The following KLHL6 variants were observed in gnomAD, a reference collection of about 807,000 sequenced individuals.
KLHL6 encodes the protein kelch like family member 6.
KLHL6 carries 41 observed loss-of-function variants against 58.6 expected under a neutral mutation model. That is an observed-to-expected ratio of 0.70 (90% CI 0.55 to 0.91). KLHL6 has a LOEUF of 0.91. Ranked by LOEUF, KLHL6 falls within the 40% of genes least tolerant of loss-of-function variation. The pLI is 0.00. For synonymous variants in KLHL6, 338 were observed against 322.7 expected, an observed-to-expected ratio of 1.05 and a Z score of -0.51; for missense variants, 714 against 805.6, an observed-to-expected ratio of 0.89 and a Z score of 1.38.
At chr3:183,526,083 G>A (rs1035240343) in intron 2 of KLHL6, among the ~76,000 whole-genome samples, 5 of 152,138 alleles carry the variant, frequency 3.3e-5, no homozygotes, top group African/African-American at 7.2e-5. Flanking sequence ...CGAGGCGGGC[G>A]GATCACCTGA....
intron 1 of KLHL6, among the ~76,000 whole-genome samples, chr3:183,551,253 A>G (rs1181947700): frequency 6.6e-6 from 1 of 152,194 alleles, no homozygotes; most frequent in Non-Finnish European, 1.5e-5. Context: ...GCTCCATTCA[A>G]CATAGCAGAC....
intron 2 of KLHL6, 41 bp downstream of exon 2, chr3:183,527,804 C>T (rs1156453179): frequency 6.2e-7 from 1 of 1,604,830 alleles, no homozygotes; most frequent in Non-Finnish European, 8.5e-7. Flanking sequence ...ACTGCATTCA[C>T]CTGCTTCAGA....
At chr3:183,514,597 G>A (rs1049519822) in intron 2 of KLHL6, among the ~76,000 whole-genome samples, 8 of 152,050 alleles carry the variant, frequency 5.3e-5, no homozygotes, top group African/African-American at 1.9e-4. Flanking sequence ...ACCTCAAGAA[G>A]AAGGAAGACA....
At chr3:183,541,949 C>T (rs1324483711) in intron 1 of KLHL6, among the ~76,000 whole-genome samples, 2 of 152,098 alleles carry the variant, frequency 1.3e-5, no homozygotes, top group East Asian at 3.9e-4. Flanking sequence ...AGAGCTGGTC[C>T]TCAGCAAAGA....
chr3:183,535,901 G>A (rs1411753089), intron 1 of KLHL6, among the ~76,000 whole-genome samples: 6 of 152,158 alleles, frequency 3.9e-5, no homozygotes, highest in Admixed American at 2.0e-4. Context: ...TCAGCCTCCT[G>A]AGTAGCTAGG....
chr3:183,492,430 C>A lies in KLHL6; in HGVS notation c.1564+64G>T. On this transcript the variant is annotated intron_variant, in intron 6 of 6. Coordinates refer to ENST00000341319, the MANE Select transcript of KLHL6 (RefSeq NM_130446.4). This position sits in a 1 kb window ranked among gnomAD's most constrained non-coding sequence, Gnocchi z 5.9. ...TGGAGACACCGCGACACACCGTTTACGTGCTGCAGCCAGGCGCTCATCAGG... is the reference window on the plus strand; with the variant it reads ...TGGAGACACCGCGACACACCGTTTAAGTGCTGCAGCCAGGCGCTCATCAGG... The A allele has an allele frequency of 6.4e-7, 1 of 1,560,350 alleles. No individual in the cohort carries two copies. Among genetic ancestry groups the A allele is most frequent in the East Asian group, 2.3e-5 (1 of 44,444 alleles).
At chr3:183,519,395 G>C (rs1390386020) in intron 2 of KLHL6, among the ~76,000 whole-genome samples, 2 of 152,156 alleles carry the variant, frequency 1.3e-5, no homozygotes, top group African/African-American at 4.8e-5. Context: ...GGTGCCACAT[G>C]GACCAATAAT....
chr3:183,533,774 G>A (rs1448623777), intron 1 of KLHL6, among the ~76,000 whole-genome samples: 1 of 151,666 alleles, frequency 6.6e-6, no homozygotes. Context: ...CTGTCCTTCC[G>A]CCTCCGTCCT....
intron 1 of KLHL6, among the ~76,000 whole-genome samples, chr3:183,550,201 G>A (rs965511487): frequency 9.9e-5 from 15 of 152,156 alleles, no homozygotes; most frequent in Admixed American, 7.9e-4. Context: ...AAAACAGAAA[G>A]ATAAGAGGAT....
chr3:183,495,710 G>T (rs1214357585), intron 4 of KLHL6, among the ~76,000 whole-genome samples: 1 of 152,064 alleles, frequency 6.6e-6, no homozygotes, highest in Non-Finnish European at 1.5e-5. Flanking sequence ...AACTTGATGA[G>T]ATAATTCTAA....
In KLHL6 at chr3:183,527,782, C is replaced by G. The variant is rs1169579080; in HGVS notation, c.459+63G>C. ...GCCTGGGAGCTAGACCAGGTCTGGC[C>G]TCTGGAGAATTACTGCATTCACCTG... On this transcript the variant is annotated intron_variant, in intron 2 of 6. Coordinates refer to ENST00000341319, the MANE Select transcript of KLHL6 (RefSeq NM_130446.4). 2.6e-6 allele frequency: 4 copies of G among 1,514,950 alleles called. No individual in the cohort carries two copies. In the African/African-American group the frequency reaches 5.5e-5, roughly 21 times the overall value. 93.8% of individuals were successfully genotyped at this position (1,514,950 alleles called of 1,614,324 possible).
chr3:183,503,073 A>G (rs982775147), intron 3 of KLHL6, among the ~76,000 whole-genome samples: 7 of 152,268 alleles, frequency 4.6e-5, no homozygotes, highest in Non-Finnish European at 1.0e-4. Flanking sequence ...TGTTGCAGAC[A>G]TATGGAAGTG....
chr3:183,523,659 T>C (rs1244930095), intron 2 of KLHL6, among the ~76,000 whole-genome samples: 1 of 151,988 alleles, frequency 6.6e-6, no homozygotes, highest in Non-Finnish European at 1.5e-5. Flanking sequence ...CCCAATCCCT[T>C]ACTCTTTCAT....
intron 1 of KLHL6, chr3:183,544,905 G>A (rs1712671308): frequency 6.6e-6 from 1 of 152,166 alleles, no homozygotes; most frequent in South Asian, 2.1e-4. Context: ...ACTGAATGGG[G>A]CTGAGCCAAT....
chr3:183,548,003 C>T (rs1441795553), intron 1 of KLHL6, among the ~76,000 whole-genome samples: 1 of 152,154 alleles, frequency 6.6e-6, no homozygotes, highest in Non-Finnish European at 1.5e-5. Flanking sequence ...CACACATGCA[C>T]AGGCAGGATA....
chr3:183,545,549 T>A (rs1327572990), intron 1 of KLHL6, among the ~76,000 whole-genome samples: 1 of 152,188 alleles, frequency 6.6e-6, no homozygotes, highest in East Asian at 1.9e-4. Flanking sequence ...TGGAATAATA[T>A]CCACATGCTG....
rs577348793 is a variant in KLHL6, at chr3:183,537,089, C to T, written c.294-9079G>A. On this transcript the variant is annotated intron_variant, in intron 1 of 6. Coordinates refer to ENST00000341319, the MANE Select transcript of KLHL6 (RefSeq NM_130446.4). ...CCCTGGCCATGGCCACCATGCTGAA[C>T]ATGGGTAAGATGAAACTAAGGGGAA... is the stretch of plus-strand genomic sequence containing the variant. Among the ~76,000 whole-genome samples the T allele has an allele frequency of 2.2e-4, 34 of 152,300 alleles. No homozygotes were observed. The South Asian group carries it at 7.0e-3, about 32-fold the overall frequency.
intron 1 of KLHL6, among the ~76,000 whole-genome samples, chr3:183,554,774 G>C (rs1008830791): frequency 1.3e-5 from 2 of 152,144 alleles, no homozygotes; most frequent in African/African-American, 2.4e-5. Context: ...CCATCCTTTG[G>C]AACAAGGAAA....
intron 3 of KLHL6, among the ~76,000 whole-genome samples, chr3:183,500,234 T>A (rs778103740): frequency 2.6e-5 from 4 of 152,202 alleles, no homozygotes; most frequent in Non-Finnish European, 5.9e-5. Context: ...TTGGCTTTAA[T>A]TTCTTGATGA....
Sources: gnomAD v4.1 joint callset for allele counts (sites outside exome capture counted in the v4.1 genomes callset) on GRCh38, gnomAD v4.1.1 for gene constraint, Gnocchi (gnomAD v3.1) non-coding constraint, MANE v1.5 for transcripts, NCBI Gene and HGNC (gene_info 2026-07-23, HGNC 2026-07-21) for gene names.